The following EPHA1 variants were observed in gnomAD, a reference collection of about 807,000 sequenced individuals.
EPHA1 encodes the protein EPH receptor A1.
In EPHA1, 92 loss-of-function variants were observed where a neutral mutation model predicts 110.1. That is an observed-to-expected ratio of 0.84 (90% confidence interval 0.71 to 0.99). The LOEUF (loss-of-function observed/expected upper bound fraction) is 0.99. EPHA1 is among the 50% of genes least tolerant of loss of function. EPHA1 has a pLI of 0.00. For missense variants in EPHA1, 1,204 were observed against 1,285.4 expected (o/e 0.94, Z 0.97); for synonymous variants, 500 against 516.1 (o/e 0.97, Z 0.42).
chr7:143,398,405 C>T lies in EPHA1; in HGVS notation c.1380G>A (p.Pro460=), dbSNP rs746374059. 87 of 1,614,020 alleles carry T rather than the reference C, an allele frequency of 5.4e-5. No individual in the cohort carries two copies. Among genetic ancestry groups the T allele is most frequent in the Middle Eastern group, 1.6e-4 (1 of 6,084 alleles). Residue 460 remains proline, a synonymous_variant, in exon 7 of 18, where the codon CCG becomes CCA. Coordinates refer to ENST00000275815, the MANE Select transcript of EPHA1 (RefSeq NM_005232.5). ...GLSLRLVKKE[P]RQLELTWAGS... is the part of the protein sequence containing the mutation. ...CCGCCCAGGTCAGCTCTAGTTGCCT[C>T]GGTTCTTTCTTCACCAGTCTCAGAG...
At chr7:143,400,640 G>A (rs1805391799) in intron 3 of EPHA1, among the ~76,000 whole-genome samples, 1 of 152,114 alleles carries the variant, frequency 6.6e-6, no homozygotes, top group Non-Finnish European at 1.5e-5. Context: ...CTATGGGAGT[G>A]GGTTGCTTAT....
rs775389203 is a variant in EPHA1, at chr7:143,393,781, G to A, written c.2586C>T (p.Cys862=). The change falls in exon 16 of 18, where the codon TGC becomes TGT. Residue 862 remains cysteine, a synonymous_variant. Coordinates refer to ENST00000275815, the MANE Select transcript of EPHA1 (RefSeq NM_005232.5). This position sits in a 1 kb window ranked among gnomAD's most constrained non-coding sequence, Gnocchi z 5.6. Reference sequence around the variant, plus strand: ...GCCGGCGGGCACGGTCATATGCCCAGCAGTTCTTCATGAGCTCATACAGAG... The same window carrying A: ...GCCGGCGGGCACGGTCATATGCCCAACAGTTCTTCATGAGCTCATACAGAG... ...PAPLYELMKN[C]WAYDRARRPH... 6.2e-7 allele frequency: 1 copy of A among 1,612,640 alleles called. No homozygotes were observed. Among genetic ancestry groups the A allele is most frequent in the Non-Finnish European group, 8.5e-7 (1 of 1,179,270 alleles).
Position 143,396,473 on chromosome 7 carries a change from C to G in EPHA1, c.1809G>C (p.Gln603His). ...KLWLKPYVDL[Q>H]AYEDPAQGAL... ...CTCCCTGTGCAGGGTCCTCGTATGCCTGGAGGTCCACATAAGGCTTCAGCC... is the reference window on the plus strand; with the variant it reads ...CTCCCTGTGCAGGGTCCTCGTATGCGTGGAGGTCCACATAAGGCTTCAGCC... Residue 603 changes from glutamine to histidine, a missense_variant, in exon 11 of 18, where the codon CAG (glutamine) becomes CAC (histidine). Gln to His is a conservative substitution (Grantham distance 24). Coordinates refer to ENST00000275815, the MANE Select transcript of EPHA1 (RefSeq NM_005232.5). 6.2e-7 allele frequency: 1 copy of G among 1,614,052 alleles called. No homozygotes were observed. The highest frequency in any genetic ancestry group is 8.5e-7 in the Non-Finnish European group (1 of 1,179,968).
At chr7:143,407,560 C>G (rs1805589220) in intron 2 of EPHA1, 51 bp downstream of exon 2, 1 of 1,575,586 alleles carries the variant, frequency 6.3e-7, no homozygotes, top group Non-Finnish European at 8.7e-7. Flanking sequence ...CACCCCATTT[C>G]CCACTGGCCT....
Position 143,393,261 on chromosome 7 carries a change from A to G in EPHA1, c.2696+410T>C, listed in dbSNP as rs1281569451. Among the ~76,000 whole-genome samples, 2 of 152,168 alleles carry G rather than the reference A, an allele frequency of 1.3e-5. No homozygotes were observed. The highest frequency in any genetic ancestry group is 2.4e-5 in the African/African-American group (1 of 41,442). On this transcript the variant is annotated intron_variant, in intron 16 of 17. Coordinates refer to ENST00000275815, the MANE Select transcript of EPHA1 (RefSeq NM_005232.5). This position sits in a 1 kb window ranked among gnomAD's most constrained non-coding sequence, Gnocchi z 5.6. ...TGTCCAGCAAACAGCTTGCACCAGTAGGTCCTCCAAAACTTCATGAATGGA... is the reference window on the plus strand; with the variant it reads ...TGTCCAGCAAACAGCTTGCACCAGTGGGTCCTCCAAAACTTCATGAATGGA...
chr7:143,396,272 A>T, intron 11 of EPHA1, 113 bp downstream of exon 11: 1 of 1,401,752 alleles, frequency 7.1e-7, no homozygotes, highest in Non-Finnish European at 9.5e-7. Context: ...AAACTCTTGG[A>T]CCAGAGAAGC....
Position 143,396,514 on chromosome 7 carries a change from T to C in EPHA1, c.1772-4A>G, listed in dbSNP as rs1239388626. 6.2e-7 allele frequency: 1 copy of C among 1,613,676 alleles called. No homozygotes were observed. The highest frequency in any genetic ancestry group is 1.1e-5 in the South Asian group (1 of 91,064). Reference sequence around the variant, plus strand: ...GGCTTCAGCCACAGCTTGTCCTCTATGGGCAGAACATGAGGTTGGGGAGTA... The same window carrying C: ...GGCTTCAGCCACAGCTTGTCCTCTACGGGCAGAACATGAGGTTGGGGAGTA... On this transcript the variant is annotated splice_region_variant and splice_polypyrimidine_tract_variant and intron_variant, in intron 10 of 17. Transcript: ENST00000275815.
Position 143,399,728 on chromosome 7 carries a change from C to G in EPHA1, c.758G>C (p.Gly253Ala), listed in dbSNP as rs763151811. Residue 253 changes from glycine to alanine, a missense_variant, in exon 4 of 18, where the codon GGC becomes GCC. By Grantham distance (60) the Gly-to-Ala change is moderately conservative (BLOSUM62 0). Coordinates refer to ENST00000275815, the MANE Select transcript of EPHA1 (RefSeq NM_005232.5). ...CCGTCCTACAGGCACCAGCCACTCG[C>G]CATCAGGGCTGCAGTGCATGCGGGG... Reference protein sequence around the residue: ...GAPRMHCSPDGEWLVPVGRCH... With the variant: ...GAPRMHCSPDAEWLVPVGRCH... 3 of 1,613,956 alleles carry G rather than the reference C, an allele frequency of 1.9e-6. No individual in the cohort carries two copies. The highest frequency in any genetic ancestry group is 2.5e-6 in the Non-Finnish European group (3 of 1,180,030).
chr7:143,394,732 C>G (rs1305635007), intron 14 of EPHA1, 76 bp downstream of exon 14: 3 of 1,555,022 alleles, frequency 1.9e-6, no homozygotes, highest in Middle Eastern at 1.7e-4. Context: ...GTCTTTGTGC[C>G]TATATACATG....
chr7:143,399,906 G>A lies in EPHA1; in HGVS notation c.580C>T (p.Leu194=). The change falls in exon 4 of 18, where the codon CTG becomes TTG. Residue 194 remains leucine, a synonymous_variant. Transcript: ENST00000275815. ...TGGTAGAAGACCCGGACAGACACCA[G>A]GGCCACACAGGCACCCGGGTTGTGG... ...AFHNPGACVA[L]VSVRVFYQRC... The A allele has an allele frequency of 6.2e-7, 1 of 1,612,202 alleles. No homozygotes were observed. The highest frequency in any genetic ancestry group is 1.1e-5 in the South Asian group (1 of 90,710).
rs566973626 is a variant in EPHA1 at position 143,396,670 on chromosome 7, A to G, written c.1772-160T>C. 270 of 793,694 alleles carry G rather than the reference A, an allele frequency of 3.4e-4. 3 individuals carry two copies. In the Middle Eastern group the frequency reaches 3.4e-3, roughly 10 times the overall value. 49.2% of individuals were successfully genotyped at this position (793,694 alleles called of 1,614,324 possible). A position where few individuals can be genotyped will look rare whatever the true frequency, so the allele number is the denominator to read the frequency against. Reference sequence around the variant, plus strand: ...GGTGGGAGAAAGTCTCCATTTAGCAACTAGGCCTTTCTTCTCCCTGTCTAT... The same window carrying G: ...GGTGGGAGAAAGTCTCCATTTAGCAGCTAGGCCTTTCTTCTCCCTGTCTAT... On this transcript the variant is annotated intron_variant, in intron 10 of 17. Coordinates refer to ENST00000275815, the MANE Select transcript of EPHA1 (RefSeq NM_005232.5).
intron 16 of EPHA1, among the ~76,000 whole-genome samples, 186 bp from the exon 17 acceptor site, chr7:143,391,961 G>C (rs925632961): frequency 6.6e-6 from 1 of 152,236 alleles, no homozygotes; most frequent in African/African-American, 2.4e-5. Flanking sequence ...GCTCACAACA[G>C]TGGACTGGCT....
At chr7:143,407,937 A>G (rs1409632705) in intron 1 of EPHA1, 2 of 301,848 alleles carry the variant, frequency 6.6e-6, no homozygotes, top group Non-Finnish European at 1.2e-5. Context: ...ACCAAAGTCA[A>G]TGCAAGAAGA....
At chr7:143,399,055 G>T in intron 5 of EPHA1, 110 bp from the exon 6 acceptor site, 2 of 1,244,932 alleles carry the variant, frequency 1.6e-6, no homozygotes, top group East Asian at 2.5e-5. Flanking sequence ...AGTCCTCTTG[G>T]GGAGATTTGA....
At position 143,396,827 on chromosome 7, in the gene EPHA1, C is replaced by T. The variant is rs184679408; in HGVS notation, c.1772-317G>A. 1.4e-4 allele frequency: 52 copies of T among 360,020 alleles called. No individual in the cohort carries two copies. In the East Asian group the frequency reaches 2.8e-3, roughly 19 times the overall value. The allele number at this position is 360,020 out of a possible 1,614,324, so 22.3% of individuals were successfully genotyped here. On this transcript the variant is annotated intron_variant, in intron 10 of 17. Transcript: ENST00000275815. ...GTCCCCACACTGCTCTGGTCAGTCACACCTCGTTCACATTCCCAGACAGAG... is the reference window on the plus strand; with the variant it reads ...GTCCCCACACTGCTCTGGTCAGTCATACCTCGTTCACATTCCCAGACAGAG...
At chr7:143,396,355 G>GA in intron 11 of EPHA1, 30 bp downstream of exon 11, 1 of 1,603,578 alleles carries the variant, frequency 6.2e-7, no homozygotes, top group Non-Finnish European at 8.5e-7. Flanking sequence ...ACATGGCGGG[G>GA]GGCCTGCTGC....
intron 16 of EPHA1, 55 bp from the exon 17 acceptor site, chr7:143,391,830 C>T: frequency 6.3e-7 from 1 of 1,592,680 alleles, no homozygotes; most frequent in Admixed American, 1.7e-5. Flanking sequence ...TCTGGTTGGC[C>T]TTGGCCTCTG....
In EPHA1 at chr7:143,405,126, G is replaced by C. The variant is rs139915704; in HGVS notation, c.150+2485C>G. Among the ~76,000 whole-genome samples, 5 of 152,214 alleles carry C rather than the reference G, an allele frequency of 3.3e-5. No individual in the cohort carries two copies. In the East Asian group the frequency reaches 9.7e-4, roughly 29 times the overall value. On this transcript the variant is annotated intron_variant, in intron 2 of 17. Transcript: ENST00000275815. The stretch of plus-strand genomic sequence containing the variant: ...AGGCAAGGAAGCTGGAATGAAAAAG[G>C]CACCAGGAGGCTTCTCCTAAGGAAG...
At chr7:143,398,182 G>A in intron 7 of EPHA1, 112 bp from the exon 8 acceptor site, 3 of 1,574,852 alleles carry the variant, frequency 1.9e-6, no homozygotes, top group East Asian at 2.3e-5. Context: ...GTTAGGACAG[G>A]GTTCTTCATA....
Sources: allele counts gnomAD v4.1 joint callset (sites outside exome capture counted in the v4.1 genomes callset), GRCh38; gene constraint gnomAD v4.1.1; non-coding constraint Gnocchi (gnomAD v3.1); transcripts MANE v1.5; gene names NCBI Gene and HGNC (gene_info 2026-07-23, HGNC 2026-07-21).